Variants in DHX57 observed in about 807,000 individuals in gnomAD.
DHX57 encodes the protein DExH-box helicase 57, also known as putative ATP-dependent RNA helicase DHX57.
In DHX57, 105 loss-of-function variants were observed where a neutral mutation model predicts 156.2. The ratio of observed to expected loss-of-function variants is 0.67; its 90% CI spans 0.57 to 0.79. The LOEUF (loss-of-function observed/expected upper bound fraction) is 0.79, where lower values mean the gene tolerates loss of function less well. Ranked by LOEUF, DHX57 falls within the 30% of genes least tolerant of loss-of-function variation. The pLI is 0.00. For synonymous variants in DHX57, 704 were observed against 595.6 expected, an observed-to-expected ratio of 1.18 and a Z score of -2.65; for missense variants, 1,847 against 1,661.9, an observed-to-expected ratio of 1.11 and a Z score of -1.94.
chr2:38,837,015 T>G (rs1418865768), intron 13 of DHX57, among the ~76,000 whole-genome samples: 1 of 152,016 alleles, frequency 6.6e-6, no homozygotes, highest in African/African-American at 2.4e-5. Context: ...GCCTGACTAA[T>G]TTTTGCACTT....
chr2:38,838,408 AG>A (rs1435359272), intron 12 of DHX57, among the ~76,000 whole-genome samples: 1 of 151,990 alleles, frequency 6.6e-6, no homozygotes, highest in Non-Finnish European at 1.5e-5. Flanking sequence ...TTTTTCTTTT[AG>A]TTTCCCAGAA....
intron 11 of DHX57, among the ~76,000 whole-genome samples, chr2:38,844,895 G>C (rs1333838827): frequency 6.6e-6 from 1 of 152,200 alleles, no homozygotes; most frequent in Non-Finnish European, 1.5e-5. Context: ...GCTGGGGTCA[G>C]ATGATATGGG....
intron 21 of DHX57, chr2:38,811,132 C>A: frequency 1.9e-6 from 1 of 537,314 alleles, no homozygotes; most frequent in Non-Finnish European, 3.5e-6. Flanking sequence ...GGTTCTCGTC[C>A]ATGTTCCATG....
intron 8 of DHX57, 44 bp from the exon 9 acceptor site, chr2:38,854,222 A>G: frequency 1.9e-6 from 3 of 1,591,286 alleles, no homozygotes; most frequent in Non-Finnish European, 2.6e-6. Context: ...AAAATTTTCA[A>G]AAAAAGGAAA....
intron 13 of DHX57, among the ~76,000 whole-genome samples, chr2:38,835,549 A>T (rs1572662297): frequency 6.6e-6 from 1 of 152,138 alleles, no homozygotes; most frequent in East Asian, 1.9e-4. Context: ...AACACCAAAG[A>T]CACTGAAGTG....
rs1000942729 is a variant in DHX57, at chr2:38,854,879, A to T, written c.1905+178T>A. On this transcript the variant is annotated intron_variant, in intron 8 of 23. Coordinates refer to ENST00000457308, the MANE Select transcript of DHX57 (RefSeq NM_198963.3). Reference sequence around the variant, plus strand: ...GCCTGGCCATAAGAGTTCTTATACCAAAATATTTCTAAATATTTCTAAATA... The same window carrying T: ...GCCTGGCCATAAGAGTTCTTATACCTAAATATTTCTAAATATTTCTAAATA... The T allele has an allele frequency of 7.7e-6, 5 of 647,882 alleles. No individual in the cohort carries two copies. The African/African-American group carries it at 9.2e-5, about 12-fold the overall frequency. 40.1% of individuals were successfully genotyped at this position (647,882 alleles called of 1,614,324 possible). A position where few individuals can be genotyped will look rare whatever the true frequency, so the allele number is the denominator to read the frequency against.
At chr2:38,841,420 T>G (rs761122572) in intron 12 of DHX57, among the ~76,000 whole-genome samples, 1 of 152,184 alleles carries the variant, frequency 6.6e-6, no homozygotes, top group African/African-American at 2.4e-5. Context: ...ACAAGTCCAT[T>G]CTCTTAGCTT....
At position 38,868,175 on chromosome 2, in the gene DHX57, T is replaced by A; in HGVS notation, c.224+7A>T. The A allele has an allele frequency of 6.2e-7, 1 of 1,613,582 alleles. No homozygotes were observed. The highest frequency in any genetic ancestry group is 1.7e-4 in the Middle Eastern group (1 of 5,762). The stretch of plus-strand genomic sequence containing the variant: ...CCATATTTAAACATTCAAAGAGTTA[T>A]AATGACCTGGAAGGGCGCCTTGATT... On this transcript the variant is annotated splice_region_variant and intron_variant, in intron 2 of 23. Transcript: ENST00000457308.
intron 7 of DHX57, 147 bp downstream of exon 7, chr2:38,856,193 G>C: frequency 9.1e-7 from 1 of 1,098,942 alleles, no homozygotes; most frequent in South Asian, 1.9e-5. Flanking sequence ...GTCTTCAGCT[G>C]GATTTTTTTG....
At chr2:38,850,619 A>AGC (rs2124900863) in intron 9 of DHX57, among the ~76,000 whole-genome samples, 1 of 18,204 alleles carries the variant, frequency 5.5e-5, no homozygotes, top group South Asian at 0.05. Context: ...TTTTAATGAA[A>AGC]ACATTCTTAT....
intron 17 of DHX57, among the ~76,000 whole-genome samples, chr2:38,820,733 A>C (rs1215613909): frequency 6.6e-6 from 1 of 152,194 alleles, no homozygotes; most frequent in African/African-American, 2.4e-5. Context: ...GTGAGTTTAT[A>C]ATTCGATGAC....
chr2:38,847,418 T>G (rs569337612), intron 10 of DHX57, among the ~76,000 whole-genome samples: 1 of 152,374 alleles, frequency 6.6e-6, no homozygotes, highest in African/African-American at 2.4e-5. Flanking sequence ...ACAAAGTTTC[T>G]TCCTTAGATT....
intron 21 of DHX57, among the ~76,000 whole-genome samples, chr2:38,809,821 G>T (rs1452628054): frequency 6.6e-6 from 1 of 151,982 alleles, no homozygotes; most frequent in Non-Finnish European, 1.5e-5. Flanking sequence ...TAATTTTTGT[G>T]TATGTATTAT....
At chr2:38,868,802 T>TTTTATTTA (rs35920872) in intron 1 of DHX57, among the ~76,000 whole-genome samples, 30 of 150,214 alleles carry the variant, frequency 2.0e-4, no homozygotes, top group African/African-American at 6.1e-4. Flanking sequence ...TAATTTAGAG[T>TTTTATTTA]TTTATTTATT....
Position 38,860,992 on chromosome 2 carries a change from T to G in DHX57, c.1411+7A>C. The G allele has an allele frequency of 6.2e-7, 1 of 1,609,396 alleles. No individual in the cohort carries two copies. Among genetic ancestry groups the G allele is most frequent in the Non-Finnish European group, 8.5e-7 (1 of 1,176,714 alleles). Reference sequence around the variant, plus strand: ...GCCTCCCTCCACAAGATCAATGCCTTACATACCTTCTGGAATTTGATTAGA... The same window carrying G: ...GCCTCCCTCCACAAGATCAATGCCTGACATACCTTCTGGAATTTGATTAGA... On this transcript the variant is annotated splice_region_variant and intron_variant, in intron 5 of 23. Coordinates refer to ENST00000457308, the MANE Select transcript of DHX57 (RefSeq NM_198963.3).
At chr2:38,825,557 T>G (rs1011849556) in intron 16 of DHX57, among the ~76,000 whole-genome samples, 1 of 151,934 alleles carries the variant, frequency 6.6e-6, no homozygotes, top group Non-Finnish European at 1.5e-5. Flanking sequence ...CCTGCCTCAG[T>G]CTCCCAAAGT....
At chr2:38,868,520 G>T (rs1665196720) in intron 1 of DHX57, 109 bp from the exon 2 acceptor site, 2 of 1,130,692 alleles carry the variant, frequency 1.8e-6, no homozygotes, top group Admixed American at 2.4e-5. Context: ...AAAGGAAAAT[G>T]CATATGTAAA....
chr2:38,842,255 C>G (rs1672046995), intron 12 of DHX57, among the ~76,000 whole-genome samples: 1 of 152,108 alleles, frequency 6.6e-6, no homozygotes, highest in Non-Finnish European at 1.5e-5. Context: ...TCAAAAATGT[C>G]AAGGTCACTA....
At chr2:38,801,567 G>A (rs913536327) in intron 23 of DHX57, among the ~76,000 whole-genome samples, 5 of 146,824 alleles carry the variant, frequency 3.4e-5, no homozygotes, top group Middle Eastern at 7.5e-3. Flanking sequence ...CCGCCACCAC[G>A]CCCAGCTAAT....
Sources: allele counts gnomAD v4.1 joint callset (sites outside exome capture counted in the v4.1 genomes callset), GRCh38; gene constraint gnomAD v4.1.1; transcripts MANE v1.5; gene names NCBI Gene and HGNC (gene_info 2026-07-23, HGNC 2026-07-21).